Variants in EFCAB12 observed in about 807,000 individuals in gnomAD.
The protein encoded by EFCAB12 is EF-hand calcium binding domain 12, also known as EF-hand calcium-binding domain-containing protein 12.
A neutral mutation model predicts 53.6 loss-of-function variants in EFCAB12; 43 were observed. The observed-to-expected ratio is 0.80, with a 90% CI of 0.63 to 1.03. The LOEUF is 1.03. Ranked by LOEUF, EFCAB12 falls within the 50% of genes least tolerant of loss-of-function variation. EFCAB12 has a pLI of 0.00. For synonymous variants in EFCAB12, 269 were observed against 289.2 expected, an observed-to-expected ratio of 0.93 and a Z score of 0.71; for missense variants, 646 against 730.6, an observed-to-expected ratio of 0.88 and a Z score of 1.34.
At chr3:129,425,807 C>A (rs546931424) in intron 1 of EFCAB12, among the ~76,000 whole-genome samples, 1 of 152,374 alleles carries the variant, frequency 6.6e-6, no homozygotes, top group East Asian at 1.9e-4. Context: ...CTGCCCAGGT[C>A]AGGGACACTC....
chr3:129,401,607 A>G lies in EFCAB12; in HGVS notation c.1705T>C (p.Tyr569His). The change falls in exon 9 of 9, where the codon TAC becomes CAC. Residue 569 changes from tyrosine (Y) to histidine (H), a missense_variant. By Grantham distance (83) the Tyr-to-His change is moderately conservative. Transcript: ENST00000505956. ...THAHYDAAKVYYIN is the reference protein window; with the variant it reads ...THAHYDAAKVHYIN ...CCTGGCTAGCTCTAGTTGATGTAGT[A>G]CACCTTGGCGGCATCATAATGGGCG... 6.4e-7 allele frequency: 1 copy of G among 1,555,528 alleles called. No individual in the cohort carries two copies. The highest frequency in any genetic ancestry group is 1.9e-5 in the Admixed American group (1 of 52,152).
In EFCAB12 at chr3:129,411,133, T is replaced by C. The variant is rs767052031; in HGVS notation, c.1035+25A>G. 93 of 1,549,406 alleles carry C rather than the reference T, an allele frequency of 6.0e-5. 1 individual carries two copies. Among genetic ancestry groups the C allele is most frequent in the Non-Finnish European group, 7.3e-5 (84 of 1,148,500 alleles). On this transcript the variant is annotated intron_variant, in intron 5 of 8. Coordinates refer to ENST00000505956, the MANE Select transcript of EFCAB12 (RefSeq NM_207307.3). ...CAGCTGCTCCAGTCCCCAAGCCGCA[T>C]GCTCTCCTTGGGCTGGCGAGGTACC...
chr3:129,421,653 T>G lies in EFCAB12; in HGVS notation c.200A>C (p.Asp67Ala), dbSNP rs1262219348. 1 of 1,613,940 alleles carries G rather than the reference T, an allele frequency of 6.2e-7. No homozygotes were observed. Among genetic ancestry groups the G allele is most frequent in the East Asian group, 2.2e-5 (1 of 44,872 alleles). Residue 67 changes from aspartate (D) to alanine (A), a missense_variant, in exon 2 of 9, where the codon GAT (aspartate) becomes GCT (alanine). Coordinates refer to ENST00000505956, the MANE Select transcript of EFCAB12 (RefSeq NM_207307.3). ...GGATGCAGGATTAAGGGGTGTCTGA[T>G]CCTCCTTGCGAGGCACCATGATGAT... is the stretch of plus-strand genomic sequence containing the variant. Reference protein sequence around the residue: ...RRIIMVPRKEDQTPLNPASQP... With the variant: ...RRIIMVPRKEAQTPLNPASQP...
chr3:129,403,813 T>A (rs748484562), intron 7 of EFCAB12: 1 of 153,856 alleles, frequency 6.5e-6, no homozygotes, highest in Non-Finnish European at 1.4e-5. Context: ...TATCCTCCTA[T>A]GAGCTGCAAG....
Position 129,404,297 on chromosome 3 carries a change from C to G in EFCAB12, c.1356G>C (p.Leu452=). The part of the protein sequence containing the change: ...YSDWKVFSPN[L]ALLRSQGPGK... ...CAGGGCCCTGGGACCGGAGCAGAGC[C>G]AGATTCGGAGAAAAGACCTTCCAGT... is the stretch of plus-strand genomic sequence containing the variant. The change falls in exon 7 of 9, where the codon CTG becomes CTC. Residue 452 remains leucine, a synonymous_variant. Coordinates refer to ENST00000505956, the MANE Select transcript of EFCAB12 (RefSeq NM_207307.3). The G allele has an allele frequency of 2.5e-6, 4 of 1,613,906 alleles. No individual in the cohort carries two copies. The South Asian group carries it at 4.4e-5, about 18-fold the overall frequency.
chr3:129,422,131 A>G (rs2072196983), intron 1 of EFCAB12, among the ~76,000 whole-genome samples: 1 of 152,168 alleles, frequency 6.6e-6, no homozygotes, highest in Admixed American at 6.5e-5. Flanking sequence ...CACAGTATTA[A>G]GAGCAGAGGC....
chr3:129,418,203 A>C, intron 3 of EFCAB12, 51 bp downstream of exon 3: 1 of 1,519,332 alleles, frequency 6.6e-7, no homozygotes, highest in Non-Finnish European at 8.9e-7. Context: ...GAGGGAGTAC[A>C]TGTACATCCT....
Position 129,418,370 on chromosome 3 carries a change from C to T in EFCAB12, c.565G>A (p.Val189Ile). 1 of 1,613,738 alleles carries T rather than the reference C, an allele frequency of 6.2e-7. No individual in the cohort carries two copies. The highest frequency in any genetic ancestry group is 8.5e-7 in the Non-Finnish European group (1 of 1,179,742). The change falls in exon 3 of 9, where the codon GTC (valine) becomes ATC (isoleucine). Residue 189 changes from valine (V) to isoleucine (I), a missense_variant. Transcript: ENST00000505956. ...CGGCTATGCAGGTAGGAGTACATGA[C>T]CGACAGGGCAGGGGGCTCGGGCAGC... Reference protein sequence around the residue: ...LQLPEPPALSVMYSYLHSRKI... With the variant: ...LQLPEPPALSIMYSYLHSRKI...
At position 129,426,391 on chromosome 3, in the gene EFCAB12, C is replaced by G. The variant is rs1434913085; in HGVS notation, c.49+2049G>C. ...TTTTTTTTTTTTTTTTTGAGACGGA[C>G]TCTTGCTCTGTTTCCCAGGCTAAAG... On this transcript the variant is annotated intron_variant, in intron 1 of 8. Transcript: ENST00000505956. Among the ~76,000 whole-genome samples, 3 of 114,926 alleles carry G rather than the reference C, an allele frequency of 2.6e-5. No homozygotes were observed. In the Admixed American group the frequency reaches 3.3e-4, roughly 13 times the overall value. 75.4% of individuals were successfully genotyped at this position (114,926 alleles called of 152,430 possible). A position where few individuals can be genotyped will look rare whatever the true frequency, so the allele number is the denominator to read the frequency against.
intron 2 of EFCAB12, 54 bp downstream of exon 2, chr3:129,421,313 A>C: frequency 2.0e-6 from 3 of 1,504,514 alleles, no homozygotes; most frequent in Non-Finnish European, 2.7e-6. Context: ...GGAATAAAAT[A>C]ATGATGCATC....
In EFCAB12 at chr3:129,421,753, G is replaced by A; in HGVS notation, c.100C>T (p.Pro34Ser). 1 of 1,613,756 alleles carries A rather than the reference G, an allele frequency of 6.2e-7. No homozygotes were observed. Among genetic ancestry groups the A allele is most frequent in the South Asian group, 1.1e-5 (1 of 91,064 alleles). Reference protein sequence around the residue: ...PINENAPVFDPEPVIAHCFKQ... With the variant: ...PINENAPVFDSEPVIAHCFKQ... Reference sequence around the variant, plus strand: ...AAGCAGTGGGCAATGACCGGTTCAGGATCAAAGACGGGAGCATTTTCATTG... The same window carrying A: ...AAGCAGTGGGCAATGACCGGTTCAGAATCAAAGACGGGAGCATTTTCATTG... The change falls in exon 2 of 9, where the codon CCT (proline) becomes TCT (serine). Residue 34 changes from proline to serine, a missense_variant. By Grantham distance (74) the Pro-to-Ser change is moderately conservative. Coordinates refer to ENST00000505956, the MANE Select transcript of EFCAB12 (RefSeq NM_207307.3).
In EFCAB12 at chr3:129,408,714, C is replaced by A; in HGVS notation, c.1180G>T (p.Val394Phe). ...IDSARRHNFLVYLQCWKLCKS... is the reference protein window; with the variant it reads ...IDSARRHNFLFYLQCWKLCKS... ...CAGAGCTTCCAGCATTGCAGGTAGA[C>A]CAGAAAGTTGTGCCTGCGGGCCGAG... is the stretch of plus-strand genomic sequence containing the variant. Residue 394 changes from valine (V) to phenylalanine (F), a missense_variant, in exon 6 of 9, where the codon GTC becomes TTC. Val to Phe is a conservative substitution (Grantham distance 50, BLOSUM62 -1). Transcript: ENST00000505956. The A allele has an allele frequency of 6.3e-7, 1 of 1,588,414 alleles. No homozygotes were observed.
At chr3:129,405,708 G>A (rs1443302013) in intron 6 of EFCAB12, among the ~76,000 whole-genome samples, 1 of 152,196 alleles carries the variant, frequency 6.6e-6, no homozygotes, top group Non-Finnish European at 1.5e-5. Flanking sequence ...CCAAGGTCTA[G>A]TCTAGAACAC....
At chr3:129,403,284 C>G (rs2071900007) in intron 7 of EFCAB12, 2 of 152,510 alleles carry the variant, frequency 1.3e-5, no homozygotes, top group Non-Finnish European at 2.9e-5. Context: ...GAAGATGCCC[C>G]AACCAGAGCA....
chr3:129,408,979 G>A, intron 5 of EFCAB12, 121 bp from the exon 6 acceptor site: 1 of 1,050,864 alleles, frequency 9.5e-7, no homozygotes, highest in Non-Finnish European at 1.4e-6. Context: ...GAGGGGTGAT[G>A]GCAACCAACG....
chr3:129,411,049 GA>G, intron 5 of EFCAB12, 108 bp downstream of exon 5: 2 of 1,230,682 alleles, frequency 1.6e-6, no homozygotes, highest in South Asian at 3.0e-5. Context: ...TAGAGGCGAA[GA>G]CCCCCCTCCC....
chr3:129,427,254 T>TGC (rs2072285063), intron 1 of EFCAB12, among the ~76,000 whole-genome samples: 1 of 152,190 alleles, frequency 6.6e-6, no homozygotes. Flanking sequence ...CTTCCCATAG[T>TGC]GCTGGGATTA....
rs2071873841 is a variant in EFCAB12 at position 129,401,734 on chromosome 3, G to A, written c.1578C>T (p.Ser526=). 2 of 1,602,332 alleles carry A rather than the reference G, an allele frequency of 1.2e-6. No individual in the cohort carries two copies. The highest frequency in any genetic ancestry group is 8.5e-7 in the Non-Finnish European group (1 of 1,174,408). ...LYLPTVATDR[S]LALFSCVQHQ... Reference sequence around the variant, plus strand: ...GTTGAACACAACTGAAGAGCGCCAGGCTCCGGTCTGTGGCCACAGTGGGCA... The same window carrying A: ...GTTGAACACAACTGAAGAGCGCCAGACTCCGGTCTGTGGCCACAGTGGGCA... Residue 526 remains serine (S), a synonymous_variant, in exon 9 of 9, where the codon AGC becomes AGT. Transcript: ENST00000505956.
At chr3:129,411,046 G>A in intron 5 of EFCAB12, 112 bp downstream of exon 5, 5 of 1,215,350 alleles carry the variant, frequency 4.1e-6, no homozygotes, top group South Asian at 3.1e-5. Flanking sequence ...TTGTAGAGGC[G>A]AAGACCCCCC....
Sources: gnomAD v4.1 joint callset for allele counts (sites outside exome capture counted in the v4.1 genomes callset) on GRCh38, gnomAD v4.1.1 for gene constraint, MANE v1.5 for transcripts, NCBI Gene and HGNC (gene_info 2026-07-23, HGNC 2026-07-21) for gene names.